Variants in DTNA observed in about 807,000 individuals in gnomAD.
DTNA encodes the protein dystrobrevin alpha.
DTNA carries 43 observed loss-of-function variants against 100.7 expected under a neutral mutation model. That is an observed-to-expected ratio of 0.43 (90% CI 0.33 to 0.55). The LOEUF is 0.55. Among genes scored for constraint, DTNA ranks in the 20% least tolerant of loss-of-function variants. The probability of loss-of-function intolerance (pLI) is 0.04; values close to 1 mark genes in which losing one functional copy is unlikely to be tolerated. For missense variants in DTNA, 798 were observed against 953.9 expected (o/e 0.84, Z 2.15); for synonymous variants, 349 against 347.9 (o/e 1.00, Z -0.04).
intron 4 of DTNA, among the ~76,000 whole-genome samples, chr18:34,801,671 C>T (rs372139799): frequency 2.9e-4 from 44 of 151,778 alleles, no homozygotes; most frequent in Non-Finnish European, 6.0e-4. Context: ...CCACCATGCC[C>T]GGCTAATTTT....
intron 1 of DTNA, among the ~76,000 whole-genome samples, chr18:34,721,641 T>C (rs16965806): frequency 0.11 from 16,695 of 152,244 alleles, 1,295 homozygotes; most frequent in African/African-American, 0.21. Context: ...AACTTATACT[T>C]AGGCAAAACT....
chr18:34,787,500 T>C (rs1452703627), intron 3 of DTNA, among the ~76,000 whole-genome samples: 1 of 152,210 alleles, frequency 6.6e-6, no homozygotes, highest in African/African-American at 2.4e-5. Context: ...TTTTGATATT[T>C]TTCTCCCCCA....
chr18:34,866,609 C>T (rs1312300319), intron 17 of DTNA: 2 of 1,009,788 alleles, frequency 2.0e-6, no homozygotes, highest in Non-Finnish European at 2.4e-6. Flanking sequence ...CCTGTGAAAC[C>T]TCTTTTTATA....
At chr18:34,563,512 T>G (rs1284102555) in intron 1 of DTNA, among the ~76,000 whole-genome samples, 1 of 152,212 alleles carries the variant, frequency 6.6e-6, no homozygotes, top group Non-Finnish European at 1.5e-5. Context: ...TTTGTAGGGT[T>G]TATGTTTTAA....
At chr18:34,710,898 T>C (rs2082774764) in intron 1 of DTNA, among the ~76,000 whole-genome samples, 1 of 152,166 alleles carries the variant, frequency 6.6e-6, no homozygotes, top group African/African-American at 2.4e-5. Flanking sequence ...GGACAAAGTT[T>C]TCCAGCAAAG....
intron 1 of DTNA, among the ~76,000 whole-genome samples, chr18:34,640,197 A>G (rs188046437): frequency 3.4e-4 from 51 of 152,158 alleles, no homozygotes; most frequent in African/African-American, 1.2e-3. Context: ...GCAGCTTCCT[A>G]TTTGCACCTT....
chr18:34,494,577 C>T (rs4799769), intron 1 of DTNA, among the ~76,000 whole-genome samples: 1 of 151,754 alleles, frequency 6.6e-6, no homozygotes, highest in East Asian at 1.9e-4. Flanking sequence ...GGTACCACTC[C>T]TGGGACTTGA....
chr18:34,512,342 G>A (rs988357024), intron 1 of DTNA, among the ~76,000 whole-genome samples: 1 of 151,918 alleles, frequency 6.6e-6, no homozygotes, highest in African/African-American at 2.4e-5. Flanking sequence ...ATTCATCTCA[G>A]AACAGCAGGT....
intron 13 of DTNA, among the ~76,000 whole-genome samples, chr18:34,840,587 TAC>T (rs1220688820): frequency 1.3e-5 from 2 of 152,180 alleles, no homozygotes; most frequent in African/African-American, 4.8e-5. Context: ...AGTTTGTCAC[TAC>T]CAGCCATTTT....
At chr18:34,634,434 C>A (rs1300659462) in intron 1 of DTNA, among the ~76,000 whole-genome samples, 1 of 152,032 alleles carries the variant, frequency 6.6e-6, no homozygotes. Flanking sequence ...AATTTATAAA[C>A]AAAAATTTAG....
At chr18:34,684,030 GA>G (rs2078506128) in intron 1 of DTNA, among the ~76,000 whole-genome samples, 1 of 152,084 alleles carries the variant, frequency 6.6e-6, no homozygotes, top group Non-Finnish European at 1.5e-5. Flanking sequence ...AGGGTCAAGG[GA>G]AACACCTGAC....
At chr18:34,694,237 A>G (rs903755806) in intron 1 of DTNA, among the ~76,000 whole-genome samples, 3 of 152,130 alleles carry the variant, frequency 2.0e-5, no homozygotes, top group Admixed American at 1.3e-4. Context: ...GCAGAATACT[A>G]TTTACCTTTT....
rs182077427 is a variant in DTNA at position 34,777,549 on chromosome 18, G to A, written c.148+11508G>A. ...TAAAGAACTTCCCTGAGACTGGGTA[G>A]TTTATAAAGGAAAGAGGTTTAACTG... On this transcript the variant is annotated intron_variant, in intron 3 of 22. Coordinates refer to ENST00000444659, the MANE Select transcript of DTNA (RefSeq NM_001386795.1). Among the ~76,000 whole-genome samples the A allele has an allele frequency of 1.7e-3, 262 of 152,326 alleles. 1 individual carries two copies. Among genetic ancestry groups the A allele is most frequent in the Middle Eastern group, 0.017 (5 of 294 alleles).
chr18:34,582,133 C>G (rs936356828), intron 1 of DTNA, among the ~76,000 whole-genome samples: 4 of 151,936 alleles, frequency 2.6e-5, no homozygotes, highest in Non-Finnish European at 4.4e-5. Flanking sequence ...GAGAGAGCAC[C>G]CACACACTCT....
intron 1 of DTNA, chr18:34,662,797 T>C (rs1277387267): frequency 6.6e-6 from 1 of 152,242 alleles, no homozygotes; most frequent in Non-Finnish European, 1.5e-5. Context: ...GGAACAACTG[T>C]GTTATTCAAC....
At chr18:34,826,909 G>A (rs564741132) in intron 9 of DTNA, among the ~76,000 whole-genome samples, 1 of 152,308 alleles carries the variant, frequency 6.6e-6, no homozygotes, top group South Asian at 2.1e-4. Flanking sequence ...TGCAGTTGGT[G>A]TGTAGAACCA....
In DTNA at chr18:34,804,841, T is replaced by C. The variant is rs114244605; in HGVS notation, c.363-1378T>C. ...TCACTAGCATAGGGTTCAGTCAATTTTGCATTCTGGCTGGTTGTATTTGAG... is the reference window on the plus strand; with the variant it reads ...TCACTAGCATAGGGTTCAGTCAATTCTGCATTCTGGCTGGTTGTATTTGAG... On this transcript the variant is annotated intron_variant, in intron 4 of 22. Coordinates refer to ENST00000444659, the MANE Select transcript of DTNA (RefSeq NM_001386795.1). Among the ~76,000 whole-genome samples, 1,266 of 152,302 alleles carry C rather than the reference T, an allele frequency of 8.3e-3. 27 individuals are homozygous for C. The highest frequency in any genetic ancestry group is 0.029 in the African/African-American group (1,207 of 41,552).
At chr18:34,602,288 A>G (rs1218920261) in intron 1 of DTNA, among the ~76,000 whole-genome samples, 1 of 152,180 alleles carries the variant, frequency 6.6e-6, no homozygotes, top group Non-Finnish European at 1.5e-5. Flanking sequence ...TTGGAAGCCA[A>G]TAATTTTAGG....
chr18:34,581,479 A>T (rs2048627871), intron 1 of DTNA, among the ~76,000 whole-genome samples: 1 of 152,094 alleles, frequency 6.6e-6, no homozygotes, highest in South Asian at 2.1e-4. Flanking sequence ...GTGTTTTTTT[A>T]AAATATGATT....
Sources: allele counts gnomAD v4.1 joint callset (sites outside exome capture counted in the v4.1 genomes callset), GRCh38; gene constraint gnomAD v4.1.1; transcripts MANE v1.5; gene names NCBI Gene and HGNC (gene_info 2026-07-23, HGNC 2026-07-21).